The following KIF1A variants were observed in gnomAD, a reference collection of about 807,000 sequenced individuals.
KIF1A encodes kinesin-like protein KIF1A.
Under a neutral mutation model 227.3 loss-of-function variants are expected in KIF1A, and 46 were observed. The observed-to-expected ratio is 0.20, with a 90% CI of 0.16 to 0.26. The LOEUF (loss-of-function observed/expected upper bound fraction) is 0.26. KIF1A is among the 10% of genes least tolerant of loss of function. The probability of loss-of-function intolerance (pLI) is 1.00; values close to 1 mark genes in which losing one functional copy is unlikely to be tolerated. For synonymous variants in KIF1A, 1,022 were observed against 1,012.8 expected, an observed-to-expected ratio of 1.01 and a Z score of -0.17; for missense variants, 1,683 against 2,485.9, an observed-to-expected ratio of 0.68 and a Z score of 6.87.
intron 20 of KIF1A, 114 bp downstream of exon 20, chr2:240,765,596 C>T (rs2051070956): frequency 2.4e-6 from 2 of 833,690 alleles, no homozygotes; most frequent in Admixed American, 4.8e-5. Flanking sequence ...CCCAGCGGCC[C>T]TTAAGAGCTG....
At chr2:240,808,138 G>C (rs1299772544) in intron 1 of KIF1A, among the ~76,000 whole-genome samples, 1 of 152,132 alleles carries the variant, frequency 6.6e-6, no homozygotes, top group East Asian at 1.9e-4. Context: ...TGTAGGAGAG[G>C]TTCTGGCCAA....
intron 18 of KIF1A, 21 bp downstream of exon 18, chr2:240,767,245 G>T: frequency 6.3e-7 from 1 of 1,597,104 alleles, no homozygotes; most frequent in Non-Finnish European, 8.6e-7. Context: ...AGGCTGGAGT[G>T]GCTGCCAGGT....
At chr2:240,807,130 G>GTATATATATATATATATATATA (rs57742435) in intron 1 of KIF1A, among the ~76,000 whole-genome samples, 3 of 119,492 alleles carry the variant, frequency 2.5e-5, no homozygotes, top group East Asian at 4.6e-4. Context: ...GTGTGTGTGT[G>GTATATATATATATATATATATA]TATATATATA....
At chr2:240,751,941 C>G (rs188931942) in intron 27 of KIF1A, among the ~76,000 whole-genome samples, 1 of 152,294 alleles carries the variant, frequency 6.6e-6, no homozygotes, top group Non-Finnish European at 1.5e-5. Flanking sequence ...CTCGTTCATT[C>G]TGACTTTACA....
Position 240,775,930 on chromosome 2 carries a change from T to A in KIF1A, c.883-4A>T, listed in dbSNP as rs912057757. On this transcript the variant is annotated splice_region_variant and splice_polypyrimidine_tract_variant and intron_variant, in intron 10 of 48. Transcript: ENST00000498729. The surrounding 1 kb of genome is among the most constrained non-coding windows in gnomAD (Gnocchi z 5.5). ...CTGTCTTCTTCTTTTTCTTGTTCTG[T>A]GGGGGAGGAACATTCAAGGTCAAGC... 1 of 1,600,940 alleles carries A rather than the reference T, an allele frequency of 6.2e-7. No homozygotes were observed. The highest frequency in any genetic ancestry group is 8.6e-7 in the Non-Finnish European group (1 of 1,168,208).
intron 2 of KIF1A, among the ~76,000 whole-genome samples, chr2:240,796,419 G>A (rs1337005908): frequency 3.9e-5 from 6 of 152,104 alleles, no homozygotes; most frequent in Non-Finnish European, 7.4e-5. Context: ...GCAAGGCCAG[G>A]GCCCCGGCCA....
intron 1 of KIF1A, among the ~76,000 whole-genome samples, chr2:240,815,641 A>C (rs1173669212): frequency 6.6e-6 from 1 of 152,180 alleles, no homozygotes; most frequent in Non-Finnish European, 1.5e-5. Context: ...AAGAGCACTG[A>C]CTGAGTCTTC....
In KIF1A at chr2:240,782,308, C is replaced by T. The variant is rs984302071; in HGVS notation, c.882+282G>A. 2.4e-5 allele frequency: 17 copies of T among 701,948 alleles called. No homozygotes were observed. In the African/African-American group the frequency reaches 2.9e-4, roughly 12 times the overall value. The allele number at this position is 701,948 out of a possible 1,614,324, so 43.5% of individuals were successfully genotyped here. Reference sequence around the variant, plus strand: ...CGCCCCTTTCAGCTCCTCCCAGGGCCCCCACGCCCCCCGGGCCACACTTTC... The same window carrying T: ...CGCCCCTTTCAGCTCCTCCCAGGGCTCCCACGCCCCCCGGGCCACACTTTC... On this transcript the variant is annotated intron_variant, in intron 10 of 48. Transcript: ENST00000498729.
At chr2:240,753,609 G>A (rs1005479626) in intron 27 of KIF1A, among the ~76,000 whole-genome samples, 7 of 152,144 alleles carry the variant, frequency 4.6e-5, no homozygotes, top group African/African-American at 1.7e-4. Flanking sequence ...GCTCCCTAGG[G>A]GCCAAGCACA....
intron 28 of KIF1A, 102 bp downstream of exon 28, chr2:240,750,327 A>T (rs1344930666): frequency 3.8e-6 from 3 of 787,276 alleles, no homozygotes; most frequent in African/African-American, 1.7e-5. Context: ...TAACCACTAC[A>T]TGATGCCAGA....
At chr2:240,780,818 A>ACAGCCC (rs1272065816) in intron 10 of KIF1A, among the ~76,000 whole-genome samples, 1 of 109,722 alleles carries the variant, frequency 9.1e-6, no homozygotes, top group African/African-American at 5.7e-5. Context: ...ACACACACAC[A>ACAGCCC]CACACACAGC....
At chr2:240,743,230 A>T (rs1228042134) in intron 33 of KIF1A, among the ~76,000 whole-genome samples, 1 of 151,986 alleles carries the variant, frequency 6.6e-6, no homozygotes, top group Non-Finnish European at 1.5e-5. Flanking sequence ...TCCCTCAGGC[A>T]CTCGCGAGGA....
chr2:240,798,925 C>T (rs2056699731), intron 1 of KIF1A, among the ~76,000 whole-genome samples: 1 of 152,348 alleles, frequency 6.6e-6, no homozygotes, highest in African/African-American at 2.4e-5. Context: ...TCACCAGAGG[C>T]ATCCAAGTAG....
chr2:240,796,497 GCATCCTGGGAC>G (rs2056416949), intron 2 of KIF1A, among the ~76,000 whole-genome samples: 1 of 152,168 alleles, frequency 6.6e-6, no homozygotes, highest in African/African-American at 2.4e-5. Context: ...CTCCCACAGT[GCATCCTGGGAC>G]CACCTCCCAA....
At chr2:240,763,565 C>T (rs2050792110) in intron 20 of KIF1A, among the ~76,000 whole-genome samples, 1 of 152,224 alleles carries the variant, frequency 6.6e-6, no homozygotes, top group Non-Finnish European at 1.5e-5. Flanking sequence ...CATCCAGTGA[C>T]ATTTGCAAAC....
At chr2:240,760,037 T>A (rs904930171) in intron 25 of KIF1A, among the ~76,000 whole-genome samples, 17 of 146,740 alleles carry the variant, frequency 1.2e-4, no homozygotes, top group Admixed American at 7.4e-4. Flanking sequence ...AAAAAAAAAA[T>A]TAAGGGCTCA....
At chr2:240,743,799 T>C (rs2048275145) in intron 33 of KIF1A, 143 bp downstream of exon 33, 1 of 598,560 alleles carries the variant, frequency 1.7e-6, no homozygotes, top group South Asian at 2.1e-5. Flanking sequence ...CTGCCAGCCC[T>C]GGGCAAAAGG....
rs2047393482 is a variant in KIF1A at position 240,736,976 on chromosome 2, G to A, written c.4007+87C>T. The A allele has an allele frequency of 1.8e-6, 2 of 1,102,718 alleles. No individual in the cohort carries two copies. Among genetic ancestry groups the A allele is most frequent in the African/African-American group, 1.5e-5 (1 of 65,208 alleles). 68.3% of individuals were successfully genotyped at this position (1,102,718 alleles called of 1,614,324 possible). A position where few individuals can be genotyped will look rare whatever the true frequency, so the allele number is the denominator to read the frequency against. ...GAGAGCGTTGAGCGGGTCACCTTGT[G>A]TGGCTGAACCCTGTGCCGGGTTGGC... On this transcript the variant is annotated intron_variant, in intron 38 of 48. Coordinates refer to ENST00000498729, the MANE Select transcript of KIF1A (RefSeq NM_001244008.2). This position sits in a 1 kb window ranked among gnomAD's most constrained non-coding sequence, Gnocchi z 4.7.
Position 240,792,193 on chromosome 2 carries a change from G to A in KIF1A, c.107-2881C>T, listed in dbSNP as rs1043008989. On this transcript the variant is annotated intron_variant, in intron 2 of 48. Coordinates refer to ENST00000498729, the MANE Select transcript of KIF1A (RefSeq NM_001244008.2). This position sits in a 1 kb window ranked among gnomAD's most constrained non-coding sequence, Gnocchi z 4.5. Reference sequence around the variant, plus strand: ...AGCCCTGAGGTCCGCCAGGCCTGTGGAGACAGGCAGCCCCTCCTTCAGCAG... The same window carrying A: ...AGCCCTGAGGTCCGCCAGGCCTGTGAAGACAGGCAGCCCCTCCTTCAGCAG... Among the ~76,000 whole-genome samples, 1 of 152,224 alleles carries A rather than the reference G, an allele frequency of 6.6e-6. No individual in the cohort carries two copies. Among genetic ancestry groups the A allele is most frequent in the Non-Finnish European group, 1.5e-5 (1 of 68,040 alleles).
Sources: allele counts gnomAD v4.1 joint callset (sites outside exome capture counted in the v4.1 genomes callset), GRCh38; gene constraint gnomAD v4.1.1; non-coding constraint Gnocchi (gnomAD v3.1); transcripts MANE v1.5; gene names NCBI Gene and HGNC (gene_info 2026-07-23, HGNC 2026-07-21).